The following DSE variants were observed in gnomAD, a reference collection of about 807,000 sequenced individuals.
DSE encodes dermatan-sulfate epimerase.
DSE carries 36 observed loss-of-function variants against 84.4 expected under a neutral mutation model. That is an observed-to-expected ratio of 0.43 (90% CI 0.33 to 0.56). DSE has a LOEUF of 0.56. DSE is among the 20% of genes least tolerant of loss of function. The probability of loss-of-function intolerance (pLI) is 0.06; values close to 1 mark genes in which losing one functional copy is unlikely to be tolerated. For missense variants in DSE, 862 were observed against 1,169.6 expected, an observed-to-expected ratio of 0.74 and a Z score of 3.84; for synonymous variants, 410 against 430.1, an observed-to-expected ratio of 0.95 and a Z score of 0.58.
chr6:116,365,656 C>T (rs987707802), upstream of DSE, among the ~76,000 whole-genome samples: 1 of 152,304 alleles, frequency 6.6e-6, no homozygotes, highest in Non-Finnish European at 1.5e-5. Context: ...GGAACTATCT[C>T]GTACCTTTAA....
At chr6:116,257,027 TAC>T (rs1454889497) in intron 1 of DSE, among the ~76,000 whole-genome samples, 1 of 152,206 alleles carries the variant, frequency 6.6e-6, no homozygotes, top group Non-Finnish European at 1.5e-5. Context: ...CATAAATTAA[TAC>T]AGTCAAACAG....
intron 2 of DSE, among the ~76,000 whole-genome samples, chr6:116,405,156 C>G (rs1781840530): frequency 6.6e-6 from 1 of 152,078 alleles, no homozygotes; most frequent in South Asian, 2.1e-4. Context: ...CATTGCTGTA[C>G]GTATGAAAAT....
At chr6:116,350,495 C>T (rs546744874) in intron 2 of DSE, among the ~76,000 whole-genome samples, 37 of 152,206 alleles carry the variant, frequency 2.4e-4, no homozygotes, top group African/African-American at 8.7e-4. Context: ...TTAGAATTTG[C>T]AGGGTCATGA....
intron 2 of DSE, among the ~76,000 whole-genome samples, chr6:116,404,733 G>A (rs1583181698): frequency 6.6e-6 from 1 of 152,176 alleles, no homozygotes; most frequent in Non-Finnish European, 1.5e-5. Context: ...CTTTATTCTC[G>A]CTAGGTTTCT....
intron 1 of DSE, among the ~76,000 whole-genome samples, chr6:116,385,298 T>G (rs1780512872): frequency 6.6e-6 from 1 of 152,102 alleles, no homozygotes; most frequent in Non-Finnish European, 1.5e-5. Flanking sequence ...AATAGAGTGG[T>G]GACATACTCT....
At chr6:116,421,666 C>G (rs979193829) in intron 2 of DSE, among the ~76,000 whole-genome samples, 2 of 151,316 alleles carry the variant, frequency 1.3e-5, no homozygotes, top group African/African-American at 4.9e-5. Flanking sequence ...TGTGTACAGA[C>G]AGTTTTGCTA....
intron 4 of DSE, chr6:116,432,783 A>G (rs541639253): frequency 6.6e-6 from 1 of 152,480 alleles, no homozygotes; most frequent in Admixed American, 6.5e-5. Flanking sequence ...TGATCCTTGC[A>G]TTTTCTGTCG....
At chr6:116,266,214 C>T (rs569998660) in intron 2 of DSE, among the ~76,000 whole-genome samples, 57 of 152,348 alleles carry the variant, frequency 3.7e-4, no homozygotes, top group Admixed American at 1.7e-3. Flanking sequence ...AGCAGAACAG[C>T]AGTCATGGTA....
intron 1 of DSE, chr6:116,254,300 G>T (rs1772053598): frequency 3.2e-6 from 2 of 632,458 alleles, no homozygotes; most frequent in South Asian, 3.0e-5. Context: ...AAGCATGTAA[G>T]AACTGTGTTA....
At chr6:116,260,290 G>T (rs1454077319) in intron 2 of DSE, among the ~76,000 whole-genome samples, 1 of 151,952 alleles carries the variant, frequency 6.6e-6, no homozygotes, top group Non-Finnish European at 1.5e-5. Context: ...GTCTTTCTTA[G>T]AAAAATATCT....
At position 116,279,108 on chromosome 6, in the gene DSE, A is replaced by T. The variant is rs373867202; in HGVS notation, c.-54+20141A>T. On this transcript the variant is annotated intron_variant, in intron 2 of 3. Transcript: ENST00000430252. Reference sequence around the variant, plus strand: ...AGGCCCTGTCGGCCTGAGCATTCACAGTGTCCAGTTCCAGCTGGATGGCCT... The same window carrying T: ...AGGCCCTGTCGGCCTGAGCATTCACTGTGTCCAGTTCCAGCTGGATGGCCT... 4 of 1,613,986 alleles carry T rather than the reference A, an allele frequency of 2.5e-6. No individual in the cohort carries two copies. The Admixed American group carries it at 5.0e-5, about 20-fold the overall frequency.
intron 2 of DSE, 114 bp from the exon 3 acceptor site, chr6:116,426,460 C>A: frequency 7.2e-7 from 1 of 1,388,770 alleles, no homozygotes; most frequent in Non-Finnish European, 9.7e-7. Flanking sequence ...GTCATTAAGC[C>A]CTTGGATTAT....
intron 2 of DSE, among the ~76,000 whole-genome samples, chr6:116,287,497 T>G (rs770543723): frequency 1.7e-4 from 26 of 152,118 alleles, no homozygotes; most frequent in Non-Finnish European, 3.1e-4. Flanking sequence ...TGGTGATACT[T>G]AAATAATACT....
rs1268167457 is a variant in DSE, at chr6:116,436,703, C to T, written c.2235C>T (p.Asn745=). Residue 745 remains asparagine (N), a synonymous_variant, in exon 6 of 6, where the codon AAC becomes AAT. Coordinates refer to ENST00000644252, the MANE Select transcript of DSE (RefSeq NM_013352.4). ...VKDYAAIVEQ[N]LQHFKPVFQL... is the part of the protein sequence containing the mutation. ...ACTATGCTGCTATTGTGGAACAGAA[C>T]TTGCAGCATTTTAAACCAGTGTTTC... 1 of 1,614,038 alleles carries T rather than the reference C, an allele frequency of 6.2e-7. No individual in the cohort carries two copies. Among genetic ancestry groups the T allele is most frequent in the East Asian group, 2.2e-5 (1 of 44,894 alleles).
At chr6:116,422,484 A>G (rs969030806) in intron 2 of DSE, among the ~76,000 whole-genome samples, 1 of 152,236 alleles carries the variant, frequency 6.6e-6, no homozygotes, top group African/African-American at 2.4e-5. Flanking sequence ...TGTTTCATGA[A>G]AAAACCGAGC....
intron 2 of DSE, among the ~76,000 whole-genome samples, chr6:116,285,106 C>T (rs982163360): frequency 2.0e-5 from 3 of 152,200 alleles, no homozygotes; most frequent in Admixed American, 6.5e-5. Context: ...CTGACTTCCA[C>T]AATGGTTGAA....
rs1784433148 is a variant in DSE, at chr6:116,441,727, A to G, written c.*4382A>G. The G allele has an allele frequency of 6.6e-6, 1 of 152,214 alleles. No individual in the cohort carries two copies. The highest frequency in any genetic ancestry group is 1.5e-5 in the Non-Finnish European group (1 of 68,036). The allele number at this position is 152,214 out of a possible 1,614,324, so 9.4% of individuals were successfully genotyped here. On this transcript the variant is annotated 3_prime_UTR_variant, in exon 6 of 6. Transcript: ENST00000644252. ...TTTGCTGTTAATTTAATGGGGTTTT[A>G]GGAAGGAACTGAAGGAAATTTATAT...
intron 1 of DSE, among the ~76,000 whole-genome samples, chr6:116,388,985 T>C (rs1780730587): frequency 6.6e-6 from 1 of 152,218 alleles, no homozygotes; most frequent in Non-Finnish European, 1.5e-5. Flanking sequence ...CTGAAGAGAC[T>C]GCAAGGTTGA....
chr6:116,272,604 CA>C (rs1283467693), intron 2 of DSE, among the ~76,000 whole-genome samples: 1 of 152,036 alleles, frequency 6.6e-6, no homozygotes, highest in African/African-American at 2.4e-5. Context: ...ATCAATTTGA[CA>C]AAACTGGGAA....
Sources: gnomAD v4.1 joint callset for allele counts (sites outside exome capture counted in the v4.1 genomes callset) on GRCh38, gnomAD v4.1.1 for gene constraint, MANE v1.5 for transcripts, NCBI Gene and HGNC (gene_info 2026-07-23, HGNC 2026-07-21) for gene names.